Variants in RNF220 observed in about 807,000 individuals in gnomAD.
The protein encoded by RNF220 is ring finger protein 220.
RNF220 carries 7 observed loss-of-function variants against 67.1 expected under a neutral mutation model. The observed-to-expected ratio is 0.10, with a 90% CI of 0.06 to 0.20. RNF220 has a LOEUF of 0.20. RNF220 is among the 10% of genes least tolerant of loss of function. The probability of loss-of-function intolerance (pLI) is 1.00; values close to 1 mark genes in which losing one functional copy is unlikely to be tolerated. For synonymous variants in RNF220, 270 were observed against 283.2 expected, an observed-to-expected ratio of 0.95 and a Z score of 0.47; for missense variants, 565 against 740.3, an observed-to-expected ratio of 0.76 and a Z score of 2.75.
At chr1:44,467,368 C>T (rs574684255) in intron 2 of RNF220, among the ~76,000 whole-genome samples, 3 of 152,356 alleles carry the variant, frequency 2.0e-5, no homozygotes, top group East Asian at 1.9e-4. Context: ...TGCGCCACCA[C>T]GCCCAGCTAA....
chr1:44,626,271 G>A, intron 4 of RNF220, 26 bp from the exon 5 acceptor site: 1 of 1,587,826 alleles, frequency 6.3e-7, no homozygotes, highest in South Asian at 1.1e-5. Flanking sequence ...TTGGCCTGAG[G>A]CCACATGTCT....
chr1:44,418,437 C>T lies in RNF220; in HGVS notation c.625+5715C>T, dbSNP rs532572349. Among the ~76,000 whole-genome samples, 8 of 152,254 alleles carry T rather than the reference C, an allele frequency of 5.3e-5. No individual in the cohort carries two copies. The East Asian group carries it at 9.7e-4, about 18-fold the overall frequency. ...GTAAAAATGTTCCGGGGAATGTTTC[C>T]GAAGTCCAGGGCTCCGTCCTTCGGC... On this transcript the variant is annotated intron_variant, in intron 2 of 14. Coordinates refer to ENST00000361799, the MANE Select transcript of RNF220 (RefSeq NM_018150.4).
chr1:44,612,832 G>A (rs1345580320), intron 2 of RNF220, among the ~76,000 whole-genome samples: 3 of 148,102 alleles, frequency 2.0e-5, no homozygotes, highest in Non-Finnish European at 4.5e-5. Context: ...CAACCCCTTA[G>A]GCAACCATCT....
intron 2 of RNF220, among the ~76,000 whole-genome samples, chr1:44,601,894 A>G (rs1032891819): frequency 6.6e-6 from 1 of 152,154 alleles, no homozygotes; most frequent in African/African-American, 2.4e-5. Context: ...AGTGTCTGAG[A>G]CAAAAAGGAG....
intron 2 of RNF220, among the ~76,000 whole-genome samples, chr1:44,502,460 G>A (rs1658012893): frequency 6.6e-6 from 1 of 152,138 alleles, no homozygotes; most frequent in Admixed American, 6.5e-5. Flanking sequence ...ATTTTGACAT[G>A]TAATAACCAT....
chr1:44,518,580 T>A (rs1167793529), intron 2 of RNF220, among the ~76,000 whole-genome samples: 1 of 150,200 alleles, frequency 6.7e-6, no homozygotes, highest in Non-Finnish European at 1.5e-5. Flanking sequence ...CAGAAAGCCT[T>A]TAAAAACAAT....
chr1:44,503,635 G>A (rs936249220), intron 2 of RNF220, among the ~76,000 whole-genome samples: 4 of 152,178 alleles, frequency 2.6e-5, no homozygotes, highest in Non-Finnish European at 5.9e-5. Flanking sequence ...GAGAGAAACA[G>A]CTATCCCAGG....
At chr1:44,511,920 T>C (rs866871272) in intron 2 of RNF220, among the ~76,000 whole-genome samples, 1 of 151,020 alleles carries the variant, frequency 6.6e-6, no homozygotes, top group African/African-American at 2.4e-5. Context: ...TGTGTGCGTG[T>C]GTGTGTGTGT....
intron 2 of RNF220, among the ~76,000 whole-genome samples, chr1:44,610,385 C>T (rs1643238458): frequency 1.3e-5 from 2 of 152,344 alleles, no homozygotes; most frequent in South Asian, 2.1e-4. Context: ...CGCCTCACCT[C>T]CCCCATTCAT....
At chr1:44,424,000 C>G in intron 2 of RNF220, 1 of 985,438 alleles carries the variant, frequency 1.0e-6, no homozygotes, top group Non-Finnish European at 1.2e-6. Flanking sequence ...CCTTCCCTGG[C>G]CTCTTATCTT....
intron 2 of RNF220, among the ~76,000 whole-genome samples, chr1:44,567,205 C>T (rs552276196): frequency 6.6e-6 from 1 of 152,008 alleles, no homozygotes; most frequent in African/African-American, 2.4e-5. Context: ...GGTTAGGGAA[C>T]CAGGAACAGT....
intron 2 of RNF220, among the ~76,000 whole-genome samples, chr1:44,513,908 G>A (rs557983986): frequency 3.9e-5 from 6 of 152,326 alleles, no homozygotes; most frequent in African/African-American, 7.2e-5. Context: ...GAATAGAGGC[G>A]TTTGTTAGCT....
intron 2 of RNF220, among the ~76,000 whole-genome samples, chr1:44,539,837 C>T (rs189728985): frequency 8.3e-4 from 126 of 152,314 alleles, no homozygotes; most frequent in African/African-American, 2.9e-3. Context: ...ATGCTCCACA[C>T]TAATGATGCA....
Position 44,650,560 on chromosome 1 carries a change from C to A in RNF220, c.1630-144C>A. On this transcript the variant is annotated intron_variant, in intron 14 of 14. Coordinates refer to ENST00000361799, the MANE Select transcript of RNF220 (RefSeq NM_018150.4). This position sits in a 1 kb window ranked among gnomAD's most constrained non-coding sequence, Gnocchi z 4.3. ...GAGCGTGCCTGCCTGCTCACAGAAG[C>A]TGCCTATGCGTCCCCAGCCTGGGCT... is the stretch of plus-strand genomic sequence containing the variant. The A allele has an allele frequency of 2.5e-6, 2 of 796,750 alleles. No homozygotes were observed. Among genetic ancestry groups the A allele is most frequent in the South Asian group, 1.6e-5 (1 of 63,076 alleles). 49.4% of individuals were successfully genotyped at this position (796,750 alleles called of 1,614,324 possible).
intron 2 of RNF220, among the ~76,000 whole-genome samples, chr1:44,425,812 A>T (rs374424158): frequency 6.6e-6 from 1 of 152,158 alleles, no homozygotes; most frequent in East Asian, 1.9e-4. Context: ...TACATGCAAG[A>T]TGTCTATCTA....
chr1:44,576,757 C>T (rs1664835203), intron 2 of RNF220, among the ~76,000 whole-genome samples: 2 of 152,186 alleles, frequency 1.3e-5, no homozygotes, highest in African/African-American at 4.8e-5. Flanking sequence ...AGAGGGATGG[C>T]CAGTTTTTTC....
At chr1:44,407,629 A>G (rs562635501) in intron 1 of RNF220, among the ~76,000 whole-genome samples, 3,129 of 152,046 alleles carry the variant, frequency 0.021, 107 homozygotes, top group African/African-American at 0.071. Flanking sequence ...GCGAGCGGGG[A>G]CACACACCTG....
At chr1:44,648,823 A>G (rs1644715299) in intron 12 of RNF220, 1 of 152,230 alleles carries the variant, frequency 6.6e-6, no homozygotes. Flanking sequence ...GGCCATAGTC[A>G]GTATTGGTGG....
chr1:44,433,087 A>G (rs1334979258), intron 2 of RNF220, among the ~76,000 whole-genome samples: 2 of 151,688 alleles, frequency 1.3e-5, no homozygotes, highest in African/African-American at 4.9e-5. Flanking sequence ...GCGTCACTAC[A>G]CCTGGCTAAT....
Sources: allele counts gnomAD v4.1 joint callset (sites outside exome capture counted in the v4.1 genomes callset), GRCh38; gene constraint gnomAD v4.1.1; non-coding constraint Gnocchi (gnomAD v3.1); transcripts MANE v1.5; gene names NCBI Gene and HGNC (gene_info 2026-07-23, HGNC 2026-07-21).